Variants in TRIM72 observed in about 807,000 individuals in gnomAD.
The protein encoded by TRIM72 is tripartite motif containing 72, also known as tripartite motif-containing protein 72.
TRIM72 carries 33 observed loss-of-function variants against 31.6 expected under a neutral mutation model. The ratio of observed to expected loss-of-function variants is 1.04; its 90% confidence interval spans 0.79 to 1.40. TRIM72 has a LOEUF of 1.40. Ranked by LOEUF, TRIM72 falls within the 40% of genes most tolerant of loss-of-function variation. The pLI is 0.00. For synonymous variants in TRIM72, 301 were observed against 314.4 expected, an observed-to-expected ratio of 0.96 and a Z score of 0.45; for missense variants, 666 against 682.7, an observed-to-expected ratio of 0.98 and a Z score of 0.27.
In TRIM72 at chr16:31,224,663, C is replaced by T; in HGVS notation, c.1342C>T (p.Pro448Ser). 1 of 1,548,414 alleles carries T rather than the reference C, an allele frequency of 6.5e-7. No homozygotes were observed. Residue 448 changes from proline to serine, a missense_variant, in exon 7 of 7, where the codon CCC (proline) becomes TCC (serine). Transcript: ENST00000322122. ...TGCCTTCCACGAGCGCCTGCCCAGG[C>T]CCGTGTACCCCTTCTTCGACGTGTG... Reference protein sequence around the residue: ...LFAFHERLPRPVYPFFDVCWH... With the variant: ...LFAFHERLPRSVYPFFDVCWH...
rs778041608 is a variant in TRIM72 at position 31,219,330 on chromosome 16, G to A, written c.528G>A (p.Leu176=). The change falls in exon 4 of 7, where the codon CTG becomes CTA. Residue 176 remains leucine (L), a synonymous_variant. Transcript: ENST00000322122. The surrounding 1 kb of genome is among the most constrained non-coding windows in gnomAD (Gnocchi z 4.2). ...RQFRGAVGEQ[L]GKMRVFLAAL... ...TCCGGGGGGCCGTGGGGGAGCAGCT[G>A]GGCAAGATGCGGGTGTTCCTGGCTG... The A allele has an allele frequency of 6.2e-7, 1 of 1,614,146 alleles. No homozygotes were observed. The highest frequency in any genetic ancestry group is 8.5e-7 in the Non-Finnish European group (1 of 1,180,026).
rs748687222 is a variant in TRIM72 at position 31,214,718 on chromosome 16, C to T, written c.-7-14C>T. ...CGCCGCGGGGTCCCCCTAACCTACT[C>T]CTCCTCCACCCAGGCCCGCCATGTC... On this transcript the variant is annotated splice_polypyrimidine_tract_variant and intron_variant, in intron 1 of 6. Coordinates refer to ENST00000322122, the MANE Select transcript of TRIM72 (RefSeq NM_001008274.4). The T allele has an allele frequency of 2.6e-6, 4 of 1,554,068 alleles. No individual in the cohort carries two copies. The highest frequency in any genetic ancestry group is 2.0e-4 in the Middle Eastern group (1 of 5,004).
chr16:31,217,203 G>A (rs2079514351), intron 2 of TRIM72: 4 of 679,600 alleles, frequency 5.9e-6, no homozygotes, highest in Non-Finnish European at 9.6e-6. Context: ...CCGCCTAGAG[G>A]GTCCCCCAGT....
Position 31,222,892 on chromosome 16 carries a change from CAG to C in TRIM72, c.808_809del (p.Asp270Ter). On this transcript the variant is annotated frameshift_variant, in exon 6 of 7. Transcript: ENST00000322122. LOFTEE classifies it high-confidence loss of function. ...CTGGACATCCAGCTGCCAATTATCT[CAG>C]ATGACTTCAAATTCCAGGTGTGGAG... 1 of 1,531,562 alleles carries C rather than the reference CAG, an allele frequency of 6.5e-7. No homozygotes were observed. Among genetic ancestry groups the C allele is most frequent in the Non-Finnish European group, 8.8e-7 (1 of 1,140,146 alleles). 94.9% of individuals were successfully genotyped at this position (1,531,562 alleles called of 1,614,324 possible).
At chr16:31,224,091 T>C in intron 6 of TRIM72, 90 bp from the exon 7 acceptor site, 4 of 1,430,218 alleles carry the variant, frequency 2.8e-6, no homozygotes, top group Non-Finnish European at 3.8e-6. Flanking sequence ...CCAAGAGGAT[T>C]AGGGGAGAGA....
At chr16:31,217,068 CCA>C in intron 2 of TRIM72, 1 of 1,585,974 alleles carries the variant, frequency 6.3e-7, no homozygotes, top group Non-Finnish European at 8.6e-7. Flanking sequence ...GGGCCTGGAG[CCA>C]TCAGGTCCTA....
At chr16:31,224,143 A>G (rs2079544966) in intron 6 of TRIM72, 38 bp from the exon 7 acceptor site, 2 of 1,590,652 alleles carry the variant, frequency 1.3e-6, no homozygotes, top group African/African-American at 1.3e-5. Flanking sequence ...CCAGCGAGGC[A>G]GAAACCTAGG....
In TRIM72 at chr16:31,224,293, C is replaced by T. The variant is rs936743874; in HGVS notation, c.972C>T (p.Asp324=). The change falls in exon 7 of 7, where the codon GAC becomes GAT. Residue 324 remains aspartate (D), a synonymous_variant. Coordinates refer to ENST00000322122, the MANE Select transcript of TRIM72 (RefSeq NM_001008274.4). ...AGAAGGCGCCGCCGGCCGGGGAGGA[C>T]CCGCGCCAGTTCGACAAGGCGGTGG... The part of the protein sequence containing the change: ...SEQKAPPAGE[D]PRQFDKAVAV... 1 of 1,602,792 alleles carries T rather than the reference C, an allele frequency of 6.2e-7. No homozygotes were observed. Among genetic ancestry groups the T allele is most frequent in the Admixed American group, 1.7e-5 (1 of 59,378 alleles).
intron 1 of TRIM72, 40 bp downstream of exon 1, chr16:31,214,337 G>A (rs2079496498): frequency 5.7e-6 from 1 of 175,940 alleles, no homozygotes; most frequent in Non-Finnish European, 1.2e-5. Flanking sequence ...GGGGAGGTCT[G>A]GGTATCTTGG....
At chr16:31,221,605 T>C (rs2079534284) in intron 5 of TRIM72, among the ~76,000 whole-genome samples, 3 of 102,078 alleles carry the variant, frequency 2.9e-5, no homozygotes, top group South Asian at 7.1e-4. Context: ...GAGAAGGGCA[T>C]TGGGAGAAGG....
At position 31,219,604 on chromosome 16, in the gene TRIM72, A is replaced by G; in HGVS notation, c.717+85A>G. The G allele has an allele frequency of 5.4e-6, 7 of 1,289,638 alleles. No homozygotes were observed. Among genetic ancestry groups the G allele is most frequent in the Non-Finnish European group, 7.6e-6 (7 of 925,178 alleles). 79.9% of individuals were successfully genotyped at this position (1,289,638 alleles called of 1,614,324 possible). The stretch of plus-strand genomic sequence containing the variant: ...ATCCCATTGTCAGATAGGCCCAGAG[A>G]GGGGCAGGGATAAGCCAGCAGCACA... On this transcript the variant is annotated intron_variant, in intron 4 of 6. Transcript: ENST00000322122. The surrounding 1 kb of genome is among the most constrained non-coding windows in gnomAD (Gnocchi z 4.2).
chr16:31,223,658 C>G (rs1158489488), intron 6 of TRIM72, among the ~76,000 whole-genome samples: 1 of 152,112 alleles, frequency 6.6e-6, no homozygotes, highest in Non-Finnish European at 1.5e-5. Flanking sequence ...AATCCCAGAA[C>G]TTTGGGAGGC....
rs1005139861 is a variant in TRIM72 at position 31,216,840 on chromosome 16, G to C, written c.390+1712G>C. 1.5e-5 allele frequency: 24 copies of C among 1,613,660 alleles called. No individual in the cohort carries two copies. The highest frequency in any genetic ancestry group is 1.6e-5 in the Non-Finnish European group (19 of 1,179,978). On this transcript the variant is annotated intron_variant, in intron 2 of 6. Transcript: ENST00000322122. This position sits in a 1 kb window ranked among gnomAD's most constrained non-coding sequence, Gnocchi z 6.7. ...CGGCCACGACGAGCTCGGCTGCGTA[G>C]TCCTCGTAGTAGGAGGCGACCAGCT...
intron 5 of TRIM72, among the ~76,000 whole-genome samples, chr16:31,221,481 G>A (rs535961745): frequency 1.4e-4 from 20 of 143,200 alleles, no homozygotes; most frequent in Non-Finnish European, 2.3e-4. Context: ...GGAGAAGAAG[G>A]GCATTGCTGG....
At chr16:31,222,370 G>C (rs2144197005) in intron 5 of TRIM72, among the ~76,000 whole-genome samples, 1 of 147,936 alleles carries the variant, frequency 6.8e-6, no homozygotes, top group African/African-American at 2.5e-5. Context: ...CCCAGCCTGG[G>C]TGATAGAGCC....
chr16:31,224,725 G>C lies in TRIM72; in HGVS notation c.1404G>C (p.Leu468=). The change falls in exon 7 of 7, where the codon CTG becomes CTC. Residue 468 remains leucine, a synonymous_variant. Coordinates refer to ENST00000322122, the MANE Select transcript of TRIM72 (RefSeq NM_001008274.4). ...HDKGKNAQPL[L]LVGPEGAEA ...AGGGCAAGAATGCCCAGCCGCTGCT[G>C]CTCGTGGGTCCCGAAGGCGCCGAGG... 6.6e-7 allele frequency: 1 copy of C among 1,524,382 alleles called. No homozygotes were observed. The allele number at this position is 1,524,382 out of a possible 1,614,324, so 94.4% of individuals were successfully genotyped here.
chr16:31,224,344 C>T lies in TRIM72; in HGVS notation c.1023C>T (p.Ser341=), dbSNP rs756750610. 1.3e-6 allele frequency: 2 copies of T among 1,583,716 alleles called. No homozygotes were observed. Among genetic ancestry groups the T allele is most frequent in the Admixed American group, 1.8e-5 (1 of 56,616 alleles). ...CGGTGGTGGCGCACCAGCAGCTCTCCGAGGGCGAGCACTACTGGGAGGTGG... is the reference window on the plus strand; with the variant it reads ...CGGTGGTGGCGCACCAGCAGCTCTCTGAGGGCGAGCACTACTGGGAGGTGG... The part of the protein sequence containing the change: ...AVAVVAHQQL[S]EGEHYWEVDV... Residue 341 remains serine (S), a synonymous_variant, in exon 7 of 7, where the codon TCC becomes TCT. Transcript: ENST00000322122.
chr16:31,214,702 G>A (rs1462454977), intron 1 of TRIM72, 30 bp from the exon 2 acceptor site: 2 of 1,514,414 alleles, frequency 1.3e-6, no homozygotes, highest in African/African-American at 1.4e-5. Context: ...GCGCCGCGGG[G>A]TCCCCCTAAC....
chr16:31,215,045 C>G lies in TRIM72; in HGVS notation c.307C>G (p.Leu103Val), dbSNP rs2079500761. ...CATCTACTGCGAGCAGGACCGCGCG[C>G]TGGTGTGCGGAGTGTGCGCCTCACT... ...LSIYCEQDRA[L>V]VCGVCASLGS... The change falls in exon 2 of 7, where the codon CTG becomes GTG. Residue 103 changes from leucine (L) to valine (V), a missense_variant. Transcript: ENST00000322122. This position sits in a 1 kb window ranked among gnomAD's most constrained non-coding sequence, Gnocchi z 6.3. The G allele has an allele frequency of 6.6e-7, 1 of 1,505,326 alleles. No homozygotes were observed. The highest frequency in any genetic ancestry group is 2.7e-5 in the East Asian group (1 of 37,492). 93.2% of individuals were successfully genotyped at this position (1,505,326 alleles called of 1,614,324 possible).
Sources: allele counts gnomAD v4.1 joint callset (sites outside exome capture counted in the v4.1 genomes callset), GRCh38; gene constraint gnomAD v4.1.1; non-coding constraint Gnocchi (gnomAD v3.1); transcripts MANE v1.5; gene names NCBI Gene and HGNC (gene_info 2026-07-23, HGNC 2026-07-21).